The following PEX5L variants were observed in gnomAD, a reference collection of about 807,000 sequenced individuals.
PEX5L encodes PEX5-related protein.
A neutral mutation model predicts 84.0 loss-of-function variants in PEX5L; 30 were observed. The ratio of observed to expected loss-of-function variants is 0.36; its 90% confidence interval spans 0.27 to 0.48. The LOEUF is 0.48. Ranked by LOEUF, PEX5L falls within the 20% of genes least tolerant of loss-of-function variation. The pLI is 0.99. For synonymous variants in PEX5L, 270 were observed against 283.1 expected (o/e 0.95, Z 0.46); for missense variants, 533 against 754.6 (o/e 0.71, Z 3.44).
In PEX5L at chr3:179,801,863, C is replaced by G; in HGVS notation, c.1846G>C (p.Asp616His). Residue 616 changes from aspartate (D) to histidine (H), a missense_variant, in exon 15 of 15, where the codon GAT (aspartate) becomes CAT (histidine). By Grantham distance (81) the Asp-to-His change is moderately conservative. Around this residue, in one of 8 missense-constraint regions of PEX5L, gnomAD observed 105 missense variants for 204.6 expected, o/e 0.51. Transcript: ENST00000467460. The stretch of plus-strand genomic sequence containing the variant: ...AAGTTGAAAGCTCTTAAGAGGACAT[C>G]CAGGTCACCAAGATTAGCCGCCTGG... The part of the protein sequence containing the change: ...LFQAANLGDL[D>H]VLLRAFNLDP The G allele has an allele frequency of 6.2e-7, 1 of 1,613,846 alleles. No homozygotes were observed. Among genetic ancestry groups the G allele is most frequent in the Non-Finnish European group, 8.5e-7 (1 of 1,179,734 alleles).
At chr3:180,021,207 T>C (rs934256861) in intron 1 of PEX5L, among the ~76,000 whole-genome samples, 16 of 152,074 alleles carry the variant, frequency 1.1e-4, no homozygotes, top group Admixed American at 5.9e-4. Flanking sequence ...AGAGAGAACA[T>C]CACTAGAGAA....
chr3:179,838,854 A>T (rs1735973598), intron 8 of PEX5L, among the ~76,000 whole-genome samples: 1 of 152,088 alleles, frequency 6.6e-6, no homozygotes, highest in Non-Finnish European at 1.5e-5. Context: ...TTATATATAT[A>T]TTTTAAAATG....
chr3:179,977,867 CT>C (rs1785955859), intron 1 of PEX5L, among the ~76,000 whole-genome samples: 1 of 152,104 alleles, frequency 6.6e-6, no homozygotes, highest in Non-Finnish European at 1.5e-5. Context: ...CACTCATGGG[CT>C]TTTCCCCCCT....
chr3:179,843,085 C>A (rs1168102094), intron 8 of PEX5L, among the ~76,000 whole-genome samples: 1 of 151,782 alleles, frequency 6.6e-6, no homozygotes, highest in Non-Finnish European at 1.5e-5. Context: ...TGCAAGACAT[C>A]GAAATAGGTT....
intron 8 of PEX5L, among the ~76,000 whole-genome samples, chr3:179,830,587 T>C (rs963359822): frequency 3.9e-5 from 6 of 152,178 alleles, no homozygotes; most frequent in African/African-American, 1.4e-4. Context: ...GTTTCTGTTA[T>C]ACCCACCAAT....
intron 8 of PEX5L, among the ~76,000 whole-genome samples, chr3:179,858,235 A>G (rs899204677): frequency 2.0e-5 from 3 of 152,182 alleles, no homozygotes; most frequent in Non-Finnish European, 4.4e-5. Flanking sequence ...CGGAGTTTCC[A>G]ACAAGTTCAT....
At chr3:179,874,738 G>GT (rs3836472) in intron 6 of PEX5L, among the ~76,000 whole-genome samples, 2,108 of 45,896 alleles carry the variant, frequency 0.046, 105 homozygotes, top group Admixed American at 0.079. Context: ...TTTTTTTTTT[G>GT]TTTTTTTTTT....
At chr3:179,958,567 A>G (rs1199392683) in intron 2 of PEX5L, among the ~76,000 whole-genome samples, 1 of 152,236 alleles carries the variant, frequency 6.6e-6, no homozygotes, top group Non-Finnish European at 1.5e-5. Flanking sequence ...TAAGACCAGA[A>G]GAGCTTAAGA....
chr3:179,814,297 G>A (rs193107639), intron 10 of PEX5L, among the ~76,000 whole-genome samples: 2 of 152,244 alleles, frequency 1.3e-5, no homozygotes, highest in African/African-American at 4.8e-5. Context: ...GATGTGCCAG[G>A]CACTGAGCTG....
At chr3:180,008,554 T>C (rs1041429080) in intron 1 of PEX5L, among the ~76,000 whole-genome samples, 1 of 152,234 alleles carries the variant, frequency 6.6e-6, no homozygotes, top group Non-Finnish European at 1.5e-5. Flanking sequence ...TTCGTTTTGA[T>C]GCTGCTGATA....
chr3:179,866,982 C>T (rs1460028048), intron 7 of PEX5L, among the ~76,000 whole-genome samples: 5 of 145,348 alleles, frequency 3.4e-5, no homozygotes, highest in African/African-American at 1.3e-4. Context: ...GTCGAGATCG[C>T]GCCACTGTAC....
At chr3:179,942,386 C>T (rs918817405) in intron 2 of PEX5L, among the ~76,000 whole-genome samples, 5 of 152,234 alleles carry the variant, frequency 3.3e-5, no homozygotes, top group Admixed American at 3.3e-4. Context: ...GGGATGTGTC[C>T]GCAGTTGCCA....
At chr3:179,972,889 T>C (rs975195856) in intron 1 of PEX5L, among the ~76,000 whole-genome samples, 5 of 152,118 alleles carry the variant, frequency 3.3e-5, no homozygotes, top group African/African-American at 1.2e-4. Context: ...ACACAAATTC[T>C]CATTTATATA....
At chr3:179,947,710 C>CCTTT (rs1553911292) in intron 2 of PEX5L, among the ~76,000 whole-genome samples, 4 of 139,374 alleles carry the variant, frequency 2.9e-5, no homozygotes, top group Non-Finnish European at 6.1e-5. Flanking sequence ...AAAAAAGTTA[C>CCTTT]TTTTTTTTTT....
chr3:179,965,749 G>A (rs34985833), intron 2 of PEX5L, among the ~76,000 whole-genome samples: 19,104 of 152,138 alleles, frequency 0.13, 1,625 homozygotes, highest in Non-Finnish European at 0.19. Context: ...TCAGCATCGT[G>A]AGTTTACAAG....
At chr3:180,019,729 A>G (rs1013143824) in intron 1 of PEX5L, among the ~76,000 whole-genome samples, 2 of 152,206 alleles carry the variant, frequency 1.3e-5, no homozygotes, top group East Asian at 3.8e-4. Context: ...CAACTAACTT[A>G]TCCCATTAAT....
chr3:180,036,770 G>T lies in PEX5L; in HGVS notation c.-171C>A. ...CGGCCGGCGGCCACTCGGCAGCGCT[G>T]CGGGCTGCCGGGAACTGTTCTCCGC... is the stretch of plus-strand genomic sequence containing the variant. On this transcript the variant is annotated 5_prime_UTR_variant, in exon 1 of 15. Coordinates refer to ENST00000467460, the MANE Select transcript of PEX5L (RefSeq NM_016559.3). The T allele has an allele frequency of 2.9e-6, 2 of 693,072 alleles. No individual in the cohort carries two copies. The highest frequency in any genetic ancestry group is 5.2e-6 in the Non-Finnish European group (2 of 381,498). The allele number at this position is 693,072 out of a possible 1,614,324, so 42.9% of individuals were successfully genotyped here.
intron 1 of PEX5L, among the ~76,000 whole-genome samples, chr3:180,023,354 A>AT (rs1790588331): frequency 1.3e-5 from 2 of 152,346 alleles, no homozygotes; most frequent in South Asian, 4.1e-4. Context: ...AGAATCTGCT[A>AT]TATCAGGGAT....
chr3:179,887,083 C>G (rs1485868675), intron 4 of PEX5L, among the ~76,000 whole-genome samples: 2 of 152,090 alleles, frequency 1.3e-5, no homozygotes, highest in Non-Finnish European at 2.9e-5. Context: ...TATTGAGTGC[C>G]GATTCCTATA....
Sources: gnomAD v4.1 joint callset for allele counts (sites outside exome capture counted in the v4.1 genomes callset) on GRCh38, gnomAD v4.1.1 for gene constraint, gnomAD v4.1.1 regional missense constraint, MANE v1.5 for transcripts, NCBI Gene and HGNC (gene_info 2026-07-23, HGNC 2026-07-21) for gene names.